The following SDK1 variants were observed in gnomAD, a reference collection of about 807,000 sequenced individuals.
The protein encoded by SDK1 is sidekick cell adhesion molecule 1, also known as protein sidekick-1.
Under a neutral mutation model 245.5 loss-of-function variants are expected in SDK1, and 157 were observed. The observed-to-expected ratio is 0.64, with a 90% confidence interval of 0.56 to 0.73. SDK1 has a LOEUF of 0.73. Among genes scored for constraint, SDK1 ranks in the 30% least tolerant of loss-of-function variants. The pLI, the probability that SDK1 is intolerant of heterozygous loss-of-function variation, is 0.00. For synonymous variants in SDK1, 1,647 were observed against 1,278.5 expected, an observed-to-expected ratio of 1.29 and a Z score of -6.15; for missense variants, 3,583 against 3,002.3, an observed-to-expected ratio of 1.19 and a Z score of -4.52.
At chr7:4,229,516 A>C (rs1785621505) in intron 40 of SDK1, among the ~76,000 whole-genome samples, 1 of 152,188 alleles carries the variant, frequency 6.6e-6, no homozygotes, top group African/African-American at 2.4e-5. Context: ...CAATTCCTGG[A>C]GCTATGACAG....
intron 4 of SDK1, among the ~76,000 whole-genome samples, chr7:3,656,905 G>A (rs1227604781): frequency 1.3e-5 from 2 of 151,976 alleles, no homozygotes; most frequent in South Asian, 2.1e-4. Flanking sequence ...CGGCCACCGC[G>A]CCCGGCTAAT....
intron 1 of SDK1, among the ~76,000 whole-genome samples, chr7:3,481,328 C>T (rs1049583527): frequency 6.6e-6 from 1 of 152,200 alleles, no homozygotes; most frequent in Admixed American, 6.5e-5. Context: ...GTTCATCTGA[C>T]TGTAGTGACT....
At chr7:4,172,508 T>C (rs1584362319) in intron 32 of SDK1, among the ~76,000 whole-genome samples, 1 of 152,110 alleles carries the variant, frequency 6.6e-6, no homozygotes, top group East Asian at 1.9e-4. Context: ...AAAAGCGATT[T>C]CTCTAAACAT....
intron 1 of SDK1, among the ~76,000 whole-genome samples, chr7:3,529,491 G>A (rs958069779): frequency 6.6e-6 from 1 of 152,204 alleles, no homozygotes; most frequent in Non-Finnish European, 1.5e-5. Context: ...GACAATTTGA[G>A]CAAGAGAGTA....
At chr7:3,952,776 G>GTACACTGGGC (rs1278416633) in intron 7 of SDK1, among the ~76,000 whole-genome samples, 1 of 151,992 alleles carries the variant, frequency 6.6e-6, no homozygotes, top group African/African-American at 2.4e-5. Context: ...ATAAAATTAA[G>GTACACTGGGC]TACACTGGAG....
chr7:3,350,877 C>T (rs1462040502), intron 1 of SDK1, among the ~76,000 whole-genome samples: 7 of 152,038 alleles, frequency 4.6e-5, no homozygotes, highest in East Asian at 3.8e-4. Flanking sequence ...AGAATGACAC[C>T]GTTTTGCTTC....
chr7:3,375,271 A>G (rs563681569), intron 1 of SDK1, among the ~76,000 whole-genome samples: 7 of 152,348 alleles, frequency 4.6e-5, no homozygotes, highest in African/African-American at 1.7e-4. Flanking sequence ...CTTATGCTAA[A>G]GCTGTAATTG....
intron 22 of SDK1, among the ~76,000 whole-genome samples, chr7:4,091,006 C>A (rs1324815014): frequency 6.6e-6 from 1 of 152,160 alleles, no homozygotes; most frequent in African/African-American, 2.4e-5. Flanking sequence ...AAGTGGGCTG[C>A]TGCCCTGCTT....
rs542853903 is a variant in SDK1, at chr7:3,723,943, TAGAGAGAGAGAGAGAG to T, written c.713+81858_713+81873del. ...ATACACGTATATATATATATATATA[TAGAGAGAGAGAGAGAG>T]AGAGAGAGAGAGAGAGAGAAAGAGA... On this transcript the variant is annotated intron_variant, in intron 4 of 44. Coordinates refer to ENST00000404826, the MANE Select transcript of SDK1 (RefSeq NM_152744.4). Among the ~76,000 whole-genome samples the T allele has an allele frequency of 7.8e-5, 7 of 89,694 alleles. No individual in the cohort carries two copies. The East Asian group carries it at 1.5e-3, about 19-fold the overall frequency. 58.8% of individuals were successfully genotyped at this position (89,694 alleles called of 152,430 possible).
Position 4,022,691 on chromosome 7 carries a change from A to T in SDK1, c.2602+5339A>T, listed in dbSNP as rs1207510208. On this transcript the variant is annotated intron_variant, in intron 17 of 44. Transcript: ENST00000404826. ...CCTTCCAGGCAACTCCTTAAGGAAG[A>T]TCAGCAGTATGTAGTGAGCACAGTG... Among the ~76,000 whole-genome samples, 3 of 151,880 alleles carry T rather than the reference A, an allele frequency of 2.0e-5. No homozygotes were observed. In the East Asian group the frequency reaches 5.8e-4, roughly 29 times the overall value.
chr7:4,261,787 C>T (rs1445174377), intron 44 of SDK1, among the ~76,000 whole-genome samples: 1 of 151,920 alleles, frequency 6.6e-6, no homozygotes, highest in African/African-American at 2.4e-5. Context: ...TCTGCCTGAC[C>T]CCTGTGAGAG....
At chr7:3,560,221 T>C (rs1779705445) in intron 1 of SDK1, among the ~76,000 whole-genome samples, 1 of 152,260 alleles carries the variant, frequency 6.6e-6, no homozygotes. Flanking sequence ...AGCGTATCTT[T>C]AGAAGTACGT....
At chr7:3,508,476 C>T (rs577915593) in intron 1 of SDK1, among the ~76,000 whole-genome samples, 67 of 151,862 alleles carry the variant, frequency 4.4e-4, no homozygotes, top group African/African-American at 1.5e-3. Context: ...TACAGCTGCC[C>T]GCCACCATGC....
At chr7:4,074,901 TATATA>T (rs1780544079) in intron 20 of SDK1, among the ~76,000 whole-genome samples, 3 of 83,332 alleles carry the variant, frequency 3.6e-5, no homozygotes, top group African/African-American at 2.3e-4. Flanking sequence ...TATATATATA[TATATA>T]TATATATATA....
rs544428562 is a variant in SDK1, at chr7:4,113,043, C to T, written c.3435-246C>T. Among the ~76,000 whole-genome samples, 22 of 152,206 alleles carry T rather than the reference C, an allele frequency of 1.4e-4. No homozygotes were observed. In the South Asian group the frequency reaches 4.6e-3, roughly 32 times the overall value. ...CTCCCTAAGTGCTGGGATTTGATCCCCCGCCACCGCCTGCCTTGGCCTCCC... is the reference window on the plus strand; with the variant it reads ...CTCCCTAAGTGCTGGGATTTGATCCTCCGCCACCGCCTGCCTTGGCCTCCC... On this transcript the variant is annotated intron_variant, in intron 23 of 44. Transcript: ENST00000404826.
At chr7:3,774,244 C>T (rs1333227411) in intron 4 of SDK1, among the ~76,000 whole-genome samples, 2 of 151,734 alleles carry the variant, frequency 1.3e-5, no homozygotes, top group African/African-American at 2.4e-5. Flanking sequence ...GAATACTGGC[C>T]TTTTAAATCT....
chr7:3,796,931 A>G (rs1778974717), intron 4 of SDK1, among the ~76,000 whole-genome samples: 1 of 151,942 alleles, frequency 6.6e-6, no homozygotes, highest in Admixed American at 6.6e-5. Context: ...TACTTAACTA[A>G]GTTTTATTTT....
chr7:3,895,460 G>T (rs1280888095), intron 5 of SDK1, among the ~76,000 whole-genome samples: 1 of 152,200 alleles, frequency 6.6e-6, no homozygotes, highest in Non-Finnish European at 1.5e-5. Context: ...AGAATAAAAA[G>T]GGGGAAATGT....
intron 1 of SDK1, among the ~76,000 whole-genome samples, chr7:3,321,628 G>GT (rs1185022828): frequency 1.3e-5 from 2 of 151,394 alleles, no homozygotes; most frequent in South Asian, 2.1e-4. Flanking sequence ...GTTTTCGCAA[G>GT]TTTTTTTTTA....
Sources: allele counts gnomAD v4.1 joint callset (sites outside exome capture counted in the v4.1 genomes callset), GRCh38; gene constraint gnomAD v4.1.1; transcripts MANE v1.5; gene names NCBI Gene and HGNC (gene_info 2026-07-23, HGNC 2026-07-21).